IFI44L: variants seen among roughly 807,000 people sequenced by gnomAD.
The protein encoded by IFI44L is interferon induced protein 44 like.
In IFI44L, 40 loss-of-function variants were observed where a neutral mutation model predicts 39.3. The observed-to-expected ratio is 1.02, with a 90% confidence interval of 0.79 to 1.33. The LOEUF (loss-of-function observed/expected upper bound fraction) is 1.33. IFI44L is among the 40% of genes most tolerant of loss of function. IFI44L has a pLI of 0.00. For missense variants in IFI44L, 623 were observed against 549.0 expected (o/e 1.13, Z -1.35); for synonymous variants, 198 against 182.3 (o/e 1.09, Z -0.69).
At chr1:78,637,256 G>A (rs1030883658) in intron 6 of IFI44L, 53 bp downstream of exon 6, 3 of 1,354,644 alleles carry the variant, frequency 2.2e-6, no homozygotes, top group South Asian at 1.3e-5. Flanking sequence ...TTATAGATTT[G>A]TAGGAAGTTG....
chr1:78,628,050 C>G lies in IFI44L; in HGVS notation c.135C>G (p.Ser45Arg). ...TTGAAGATATGGTTGAAAGATGCAG[C>G]CGTCAGGGATGTACTATAACAATGG... ...GSIEDMVERCSRQGCTITMAY... is the reference protein window; with the variant it reads ...GSIEDMVERCRRQGCTITMAY... Residue 45 changes from serine to arginine, a missense_variant, in exon 2 of 9, where the codon AGC (serine) becomes AGG (arginine). Coordinates refer to ENST00000370751, the MANE Select transcript of IFI44L (RefSeq NM_006820.4). 6.2e-7 allele frequency: 1 copy of G among 1,613,022 alleles called. No homozygotes were observed. Among genetic ancestry groups the G allele is most frequent in the Non-Finnish European group, 8.5e-7 (1 of 1,179,324 alleles).
intron 1 of IFI44L, chr1:78,627,504 C>G (rs748342948): frequency 6.5e-6 from 1 of 152,700 alleles, no homozygotes. Context: ...CAGTCATGCT[C>G]TCTTGTTTAC....
chr1:78,642,658 A>C lies in IFI44L; in HGVS notation c.*849A>C, dbSNP rs545248558. ...AAGCTGGGGAGAGGAAATAAAAATA[A>C]AGAAGGAAGAGTGTTTCATTTATAT... is the stretch of plus-strand genomic sequence containing the variant. On this transcript the variant is annotated 3_prime_UTR_variant, in exon 9 of 9. Coordinates refer to ENST00000370751, the MANE Select transcript of IFI44L (RefSeq NM_006820.4). 2 of 152,254 alleles carry C rather than the reference A, an allele frequency of 1.3e-5. No homozygotes were observed. The highest frequency in any genetic ancestry group is 4.8e-5 in the African/African-American group (2 of 41,570). The allele number at this position is 152,254 out of a possible 1,614,324, so 9.4% of individuals were successfully genotyped here. A position where few individuals can be genotyped will look rare whatever the true frequency, so the allele number is the denominator to read the frequency against.
Position 78,641,787 on chromosome 1 carries a change from G to A in IFI44L, c.1337G>A (p.Arg446Lys), listed in dbSNP as rs752769271. Residue 446 changes from arginine (R) to lysine (K), a missense_variant, in exon 9 of 9, where the codon AGA (arginine) becomes AAA (lysine). Transcript: ENST00000370751. ...GTTTCATTTTCAGGTGCAATTGAGAGAGCGTTACAGCCCTGCATTTGAGAT... is the reference window on the plus strand; with the variant it reads ...GTTTCATTTTCAGGTGCAATTGAGAAAGCGTTACAGCCCTGCATTTGAGAT... The part of the protein sequence containing the change: ...LPLEETGAIE[R>K]ALQPCI The A allele has an allele frequency of 1.9e-6, 3 of 1,613,612 alleles. No individual in the cohort carries two copies. The highest frequency in any genetic ancestry group is 2.5e-6 in the Non-Finnish European group (3 of 1,179,686).
chr1:78,644,955 G>A lies in IFI44L; in HGVS notation c.*3146G>A, dbSNP rs901850334. 2 of 152,128 alleles carry A rather than the reference G, an allele frequency of 1.3e-5. No individual in the cohort carries two copies. Among genetic ancestry groups the A allele is most frequent in the Non-Finnish European group, 2.9e-5 (2 of 68,012 alleles). 9.4% of individuals were successfully genotyped at this position (152,128 alleles called of 1,614,324 possible). A position where few individuals can be genotyped will look rare whatever the true frequency, so the allele number is the denominator to read the frequency against. ...ACCATCTACCTCAATAAAATATAGA[G>A]AAAAGAAAAATAGAGCAGTTTGAGT... On this transcript the variant is annotated 3_prime_UTR_variant, in exon 9 of 9. Transcript: ENST00000370751.
intron 6 of IFI44L, among the ~76,000 whole-genome samples, chr1:78,639,724 C>T (rs982345307): frequency 1.3e-5 from 2 of 151,942 alleles, no homozygotes; most frequent in African/African-American, 4.8e-5. Flanking sequence ...CCATTTGGTC[C>T]AGAACTGGAA....
In IFI44L at chr1:78,629,799, G is replaced by A. The variant is rs749419757; in HGVS notation, c.607G>A (p.Val203Met). 6.2e-7 allele frequency: 1 copy of A among 1,613,758 alleles called. No individual in the cohort carries two copies. Among genetic ancestry groups the A allele is most frequent in the East Asian group, 2.2e-5 (1 of 44,844 alleles). Residue 203 changes from valine (V) to methionine (M), a missense_variant, in exon 4 of 9, where the codon GTG becomes ATG. Transcript: ENST00000370751. ...DLVSEIRILL[V>M]GPVGSGKSSF... ...GGTTTCAGAAATTCGTATTCTTTTGGTGGGTCCAGTTGGGTCTGGAAAGTC... is the reference window on the plus strand; with the variant it reads ...GGTTTCAGAAATTCGTATTCTTTTGATGGGTCCAGTTGGGTCTGGAAAGTC...
intron 4 of IFI44L, chr1:78,630,307 C>CAT (rs57030500): frequency 0.89 from 145,013 of 163,326 alleles, 64,565 homozygotes; most frequent in East Asian, 1. Context: ...TTTTTAATTA[C>CAT]GAGACCATTC....
chr1:78,641,255 G>T (rs750561398), intron 7 of IFI44L, 134 bp downstream of exon 7: 21 of 855,844 alleles, frequency 2.5e-5, no homozygotes, highest in Middle Eastern at 2.3e-4. Context: ...GGGATCAATT[G>T]CTTGATTAAT....
chr1:78,641,244 T>C (rs986907582), intron 7 of IFI44L, 123 bp downstream of exon 7: 3 of 853,960 alleles, frequency 3.5e-6, no homozygotes, highest in Non-Finnish European at 1.9e-6. Flanking sequence ...AAATGAAGAA[T>C]GGGATCAATT....
chr1:78,633,943 T>C (rs1390363314), intron 4 of IFI44L, among the ~76,000 whole-genome samples: 1 of 151,266 alleles, frequency 6.6e-6, no homozygotes, highest in Non-Finnish European at 1.5e-5. Context: ...AAATGAGAAA[T>C]GAAATAGAGA....
intron 1 of IFI44L, among the ~76,000 whole-genome samples, chr1:78,624,916 G>A (rs1265844178): frequency 8.6e-5 from 13 of 152,012 alleles, no homozygotes; most frequent in East Asian, 3.9e-4. Context: ...GTTATCTTGC[G>A]GTTCTTGCAG....
intron 1 of IFI44L, chr1:78,626,693 T>G (rs1652499388): frequency 1.3e-5 from 2 of 152,050 alleles, no homozygotes; most frequent in South Asian, 4.1e-4. Flanking sequence ...TTTTAAAATT[T>G]TATTTCAACA....
intron 3 of IFI44L, 136 bp downstream of exon 3, chr1:78,629,135 A>C: frequency 1.5e-6 from 1 of 659,424 alleles, no homozygotes. Context: ...TATTGACATA[A>C]AATAACAAAA....
intron 1 of IFI44L, chr1:78,626,081 A>G (rs1412620884): frequency 6.6e-6 from 1 of 151,720 alleles, no homozygotes; most frequent in Non-Finnish European, 1.5e-5. Context: ...TGGTTCATAT[A>G]TCTTAACTAA....
intron 6 of IFI44L, 100 bp downstream of exon 6, chr1:78,637,303 C>A (rs1570365062): frequency 1.2e-6 from 1 of 869,230 alleles, no homozygotes; most frequent in East Asian, 3.0e-5. Flanking sequence ...TACCTTTCAT[C>A]CTATTTCCCT....
At chr1:78,635,039 TATATACAC>T (rs1373231950) in intron 4 of IFI44L, among the ~76,000 whole-genome samples, 2 of 151,450 alleles carry the variant, frequency 1.3e-5, no homozygotes, top group East Asian at 3.9e-4. Context: ...TATATATATA[TATATACAC>T]ACACGTTTTA....
chr1:78,637,328 C>T (rs915573741), intron 6 of IFI44L, 125 bp downstream of exon 6: 26 of 661,382 alleles, frequency 3.9e-5, no homozygotes, highest in African/African-American at 1.9e-4. Context: ...TGGTGGCCAT[C>T]GGAGGGAGAG....
In IFI44L at chr1:78,643,012, C is replaced by T. The variant is rs1211684235; in HGVS notation, c.*1203C>T. The T allele has an allele frequency of 6.6e-6, 1 of 151,838 alleles. No homozygotes were observed. Among genetic ancestry groups the T allele is most frequent in the Non-Finnish European group, 1.5e-5 (1 of 67,946 alleles). The allele number at this position is 151,838 out of a possible 1,614,324, so 9.4% of individuals were successfully genotyped here. On this transcript the variant is annotated 3_prime_UTR_variant, in exon 9 of 9. Transcript: ENST00000370751. Reference sequence around the variant, plus strand: ...ACTTTTTTTTTTCCTTAAAGACTTCCTAATTCTCTTCTCCAAATTCTTAGT... The same window carrying T: ...ACTTTTTTTTTTCCTTAAAGACTTCTTAATTCTCTTCTCCAAATTCTTAGT...
Sources: allele counts gnomAD v4.1 joint callset (sites outside exome capture counted in the v4.1 genomes callset), GRCh38; gene constraint gnomAD v4.1.1; transcripts MANE v1.5; gene names NCBI Gene and HGNC (gene_info 2026-07-23, HGNC 2026-07-21).